Variants in C10orf53 observed in about 807,000 individuals in gnomAD.
The protein encoded by C10orf53 is UPF0728 protein C10orf53.
Under a neutral mutation model 9.4 loss-of-function variants are expected in C10orf53, and 8 were observed. The observed-to-expected ratio is 0.85, with a 90% CI of 0.50 to 1.53. The LOEUF (loss-of-function observed/expected upper bound fraction) is 1.53. C10orf53 is among the 40% of genes most tolerant of loss of function. The pLI, the probability that C10orf53 is intolerant of heterozygous loss-of-function variation, is 0.00. For synonymous variants in C10orf53, 48 were observed against 46.0 expected (o/e 1.04, Z -0.18); for missense variants, 117 against 117.8 (o/e 0.99, Z 0.03).
At chr10:49,698,290 C>T (rs928996798), downstream of C10orf53, among the ~76,000 whole-genome samples, 1 of 152,110 alleles carries the variant, frequency 6.6e-6, no homozygotes, top group African/African-American at 2.4e-5. Flanking sequence ...CCTGTCTCAA[C>T]AAAAAAACAA....
In C10orf53 at chr10:49,679,686, G is replaced by T. The variant is rs1285285199; in HGVS notation, c.-12G>T. On this transcript the variant is annotated 5_prime_UTR_variant, in exon 1 of 3. Coordinates refer to ENST00000374111, the MANE Select transcript of C10orf53 (RefSeq NM_001042427.3). ...GTTTCTCCCTTGCCTCTGCGGCGGC[G>T]GAGGCCTGGCGATGCCCAAGAACGC... 7 of 1,545,012 alleles carry T rather than the reference G, an allele frequency of 4.5e-6. No individual in the cohort carries two copies. Among genetic ancestry groups the T allele is most frequent in the Middle Eastern group, 1.7e-4 (1 of 5,730 alleles).
At chr10:49,710,014 T>C (rs1053111391) in exon 3 of C10orf53, 9 of 147,850 alleles carry the variant, frequency 6.1e-5, no homozygotes, top group African/African-American at 2.3e-4. Flanking sequence ...TGTGTGTGTG[T>C]CTGTGTGTCT....
intron 2 of C10orf53, among the ~76,000 whole-genome samples, chr10:49,707,814 T>C (rs751611240): frequency 3.9e-5 from 6 of 152,110 alleles, no homozygotes; most frequent in Non-Finnish European, 7.4e-5. Flanking sequence ...ATGTACATTT[T>C]CCTCTGTTTT....
chr10:49,682,835 C>G (rs558274436), intron 1 of C10orf53, among the ~76,000 whole-genome samples: 1 of 152,202 alleles, frequency 6.6e-6, no homozygotes, highest in African/African-American at 2.4e-5. Context: ...CCACCCCCAG[C>G]CCCTGGTAAC....
intron 1 of C10orf53, among the ~76,000 whole-genome samples, chr10:49,680,587 C>T (rs1337915822): frequency 6.6e-6 from 1 of 152,186 alleles, no homozygotes; most frequent in Non-Finnish European, 1.5e-5. Flanking sequence ...AGGCCAGATC[C>T]TGCAGTGCCG....
Position 49,694,612 on chromosome 10 carries a change from G to T in C10orf53, c.*10G>T. On this transcript the variant is annotated 3_prime_UTR_variant, in exon 3 of 3. Transcript: ENST00000374111. Reference sequence around the variant, plus strand: ...GCTGAATGCCTACTGATCTCCTCATGGAACAGGCATCTCAAGTCGGCACAA... The same window carrying T: ...GCTGAATGCCTACTGATCTCCTCATTGAACAGGCATCTCAAGTCGGCACAA... The T allele has an allele frequency of 6.2e-7, 1 of 1,614,188 alleles. No homozygotes were observed.
chr10:49,699,038 A>G (rs1840659499), downstream of C10orf53, among the ~76,000 whole-genome samples: 1 of 152,134 alleles, frequency 6.6e-6, no homozygotes, highest in Admixed American at 6.5e-5. Flanking sequence ...CTGGATTTTT[A>G]CTAGAGACTT....
Position 49,679,675 on chromosome 10 carries a change from TCTG to T in C10orf53, c.-21_-19del, listed in dbSNP as rs988090599. On this transcript the variant is annotated 5_prime_UTR_variant, in exon 1 of 3. Coordinates refer to ENST00000374111, the MANE Select transcript of C10orf53 (RefSeq NM_001042427.3). ...TAGCAGCGTGTGTTTCTCCCTTGCC[TCTG>T]CGGCGGCGGAGGCCTGGCGATGCCC... The T allele has an allele frequency of 3.2e-6, 5 of 1,544,438 alleles. No individual in the cohort carries two copies. The Admixed American group carries it at 9.9e-5, about 31-fold the overall frequency.
At chr10:49,707,235 T>A (rs1840729204) in intron 2 of C10orf53, among the ~76,000 whole-genome samples, 1 of 152,100 alleles carries the variant, frequency 6.6e-6, no homozygotes, top group African/African-American at 2.4e-5. Flanking sequence ...AAACTGGGTC[T>A]TAGTGGAGGT....
chr10:49,693,761 C>T lies in C10orf53; in HGVS notation c.98-13C>T. 6.2e-7 allele frequency: 1 copy of T among 1,612,030 alleles called. No individual in the cohort carries two copies. The highest frequency in any genetic ancestry group is 1.7e-4 in the Middle Eastern group (1 of 6,036). ...GACCCCATGTCACTCACCTCCTTTTCTTTCCTTCCCAGCTGTGTTGGCCAT... is the reference window on the plus strand; with the variant it reads ...GACCCCATGTCACTCACCTCCTTTTTTTTCCTTCCCAGCTGTGTTGGCCAT... On this transcript the variant is annotated splice_polypyrimidine_tract_variant and intron_variant, in intron 1 of 2. Coordinates refer to ENST00000374111, the MANE Select transcript of C10orf53 (RefSeq NM_001042427.3).
At chr10:49,700,472 C>T (rs1279838725), downstream of C10orf53, among the ~76,000 whole-genome samples, 2 of 152,188 alleles carry the variant, frequency 1.3e-5, no homozygotes, top group Non-Finnish European at 2.9e-5. Flanking sequence ...TGTTTCTTCC[C>T]TCTGGGCCTC....
At chr10:49,702,670 T>G (rs1176475949) in intron 2 of C10orf53, among the ~76,000 whole-genome samples, 1 of 152,220 alleles carries the variant, frequency 6.6e-6, no homozygotes. Context: ...TAGCAGGACT[T>G]CTCAGCCTCC....
At chr10:49,684,900 T>G (rs1201060080) in intron 1 of C10orf53, among the ~76,000 whole-genome samples, 2 of 152,234 alleles carry the variant, frequency 1.3e-5, no homozygotes, top group Non-Finnish European at 2.9e-5. Context: ...TAAATAGAAG[T>G]GCAAAGGTGG....
intron 2 of C10orf53, among the ~76,000 whole-genome samples, chr10:49,707,565 C>T (rs1840731448): frequency 6.6e-6 from 1 of 152,190 alleles, no homozygotes; most frequent in Non-Finnish European, 1.5e-5. Flanking sequence ...GGTGATCGAG[C>T]TCCAAGACTT....
In C10orf53 at chr10:49,697,090, G is replaced by C. The variant is rs7080360; in HGVS notation, c.*2488G>C. Among the ~76,000 whole-genome samples, 84,034 of 152,028 alleles carry C rather than the reference G, an allele frequency of 0.55. 23,554 individuals carry two copies. Among genetic ancestry groups the C allele is most frequent in the African/African-American group, 0.61 (25,157 of 41,442 alleles). ...CACCTGTAGTCCCAGCTACTTGAGG[G>C]GCTGAGGCAGGAGGATCACCTGAGC... On this transcript the variant is annotated 3_prime_UTR_variant, in exon 3 of 3. Coordinates refer to ENST00000374111, the MANE Select transcript of C10orf53 (RefSeq NM_001042427.3).
exon 3 of C10orf53, chr10:49,708,812 C>G: frequency 1.4e-6 from 1 of 727,578 alleles, no homozygotes; most frequent in Non-Finnish European, 2.2e-6. Context: ...CTCTGAGTCT[C>G]TACAACTGTA....
intron 1 of C10orf53, 55 bp downstream of exon 1, chr10:49,679,849 C>T: frequency 6.8e-7 from 1 of 1,465,896 alleles, no homozygotes; most frequent in Non-Finnish European, 9.1e-7. Context: ...AGCATCCGTG[C>T]AGGTGGTGCC....
At chr10:49,680,712 G>A (rs1215896409) in intron 1 of C10orf53, among the ~76,000 whole-genome samples, 1 of 152,178 alleles carries the variant, frequency 6.6e-6, no homozygotes, top group South Asian at 2.1e-4. Context: ...GGGCTGAGAT[G>A]AGAGTAGCTT....
At chr10:49,693,168 C>T (rs534092955) in intron 1 of C10orf53, among the ~76,000 whole-genome samples, 18 of 152,324 alleles carry the variant, frequency 1.2e-4, no homozygotes, top group Admixed American at 1.0e-3. Context: ...AATCTCATCA[C>T]ATGGACATTC....
Sources: allele counts gnomAD v4.1 joint callset (sites outside exome capture counted in the v4.1 genomes callset), GRCh38; gene constraint gnomAD v4.1.1; transcripts MANE v1.5; gene names NCBI Gene and HGNC (gene_info 2026-07-23, HGNC 2026-07-21).